Variants in CLINT1 observed in about 807,000 individuals in gnomAD.
CLINT1 encodes clathrin interactor 1.
CLINT1 carries 15 observed loss-of-function variants against 70.4 expected under a neutral mutation model. The ratio of observed to expected loss-of-function variants is 0.21; its 90% CI spans 0.14 to 0.33. The LOEUF is 0.33. CLINT1 is among the 10% of genes least tolerant of loss of function. CLINT1 has a pLI of 1.00. For synonymous variants in CLINT1, 227 were observed against 254.7 expected (o/e 0.89, Z 1.04); for missense variants, 615 against 778.1 (o/e 0.79, Z 2.49).
chr5:157,815,881 A>T (rs1287700133), intron 3 of CLINT1, among the ~76,000 whole-genome samples: 1 of 152,260 alleles, frequency 6.6e-6, no homozygotes, highest in Non-Finnish European at 1.5e-5. Flanking sequence ...TACAGAACAA[A>T]TAGAGTATTA....
At chr5:157,834,166 C>T (rs1763340209) in intron 1 of CLINT1, among the ~76,000 whole-genome samples, 1 of 151,998 alleles carries the variant, frequency 6.6e-6, no homozygotes, top group South Asian at 2.1e-4. Context: ...GAGTTCGAGA[C>T]CAGCCTGGGC....
At chr5:157,806,153 T>C in intron 6 of CLINT1, 41 bp from the exon 7 acceptor site, 1 of 1,596,480 alleles carries the variant, frequency 6.3e-7, no homozygotes, top group African/African-American at 1.3e-5. Flanking sequence ...TAAGACGGGA[T>C]TATTTTAAAA....
chr5:157,831,346 G>A (rs1763238528), intron 1 of CLINT1, among the ~76,000 whole-genome samples: 1 of 151,778 alleles, frequency 6.6e-6, no homozygotes, highest in African/African-American at 2.4e-5. Flanking sequence ...ATGCCACCCT[G>A]CCCAGCTAAT....
intron 10 of CLINT1, chr5:157,789,838 AG>A (rs1761848217): frequency 2.3e-6 from 1 of 430,786 alleles, no homozygotes. Flanking sequence ...GCAAATGCCC[AG>A]GGGAACTACC....
At chr5:157,805,811 G>C (rs1762367877) in intron 7 of CLINT1, 55 bp downstream of exon 7, 3 of 1,599,878 alleles carry the variant, frequency 1.9e-6, no homozygotes, top group Middle Eastern at 1.7e-4. Context: ...GGAATTCGAA[G>C]AGCGGTTTAT....
chr5:157,847,153 A>G, intron 1 of CLINT1, among the ~76,000 whole-genome samples: 1 of 152,182 alleles, frequency 6.6e-6, no homozygotes, highest in East Asian at 1.9e-4. Context: ...CCTCTGATGG[A>G]TCTGGGAAAA....
chr5:157,857,929 G>GT (rs1243931674), intron 1 of CLINT1, among the ~76,000 whole-genome samples: 2 of 152,178 alleles, frequency 1.3e-5, no homozygotes, highest in Non-Finnish European at 2.9e-5. Flanking sequence ...CAAATCAACT[G>GT]TTTTTCTCAC....
intron 6 of CLINT1, among the ~76,000 whole-genome samples, chr5:157,807,980 A>C (rs1313494555): frequency 6.6e-6 from 1 of 152,110 alleles, no homozygotes; most frequent in East Asian, 1.9e-4. Context: ...AGACTGTTTG[A>C]AAAACTGGAA....
At chr5:157,806,894 A>G (rs1762401162) in intron 6 of CLINT1, among the ~76,000 whole-genome samples, 1 of 152,040 alleles carries the variant, frequency 6.6e-6, no homozygotes, top group African/African-American at 2.4e-5. Context: ...TTCATATGCT[A>G]GGAATGAAAA....
chr5:157,809,879 T>C, intron 5 of CLINT1, 74 bp from the exon 6 acceptor site: 2 of 1,384,592 alleles, frequency 1.4e-6, no homozygotes, highest in Non-Finnish European at 2.0e-6. Context: ...TCCTTATTTC[T>C]CAGGCTTTTC....
At chr5:157,848,165 T>C (rs1014647188) in intron 1 of CLINT1, among the ~76,000 whole-genome samples, 66 of 151,470 alleles carry the variant, frequency 4.4e-4, no homozygotes, top group African/African-American at 1.5e-3. Context: ...AGTGGCACTA[T>C]CTTGGCTCAC....
At chr5:157,809,586 G>A in intron 6 of CLINT1, 42 bp downstream of exon 6, 1 of 1,507,920 alleles carries the variant, frequency 6.6e-7, no homozygotes, top group Non-Finnish European at 8.8e-7. Context: ...CATAAATTTA[G>A]GGCTCTTTCT....
intron 5 of CLINT1, among the ~76,000 whole-genome samples, chr5:157,811,497 C>T (rs550986275): frequency 6.8e-6 from 1 of 148,034 alleles, no homozygotes; most frequent in South Asian, 2.1e-4. Context: ...GGTAACACTG[C>T]ACTCCAGCCT....
intron 1 of CLINT1, among the ~76,000 whole-genome samples, chr5:157,828,920 C>A (rs1763125836): frequency 1.5e-5 from 2 of 129,406 alleles, no homozygotes; most frequent in Non-Finnish European, 3.1e-5. Context: ...GAAACTCTGT[C>A]TCTACTTAAA....
chr5:157,822,949 A>C (rs1762920119), intron 1 of CLINT1, among the ~76,000 whole-genome samples: 1 of 152,224 alleles, frequency 6.6e-6, no homozygotes, highest in Admixed American at 6.5e-5. Flanking sequence ...AACTGCTAAC[A>C]AAGGAATAAG....
At chr5:157,849,345 G>C (rs1303064577) in intron 1 of CLINT1, among the ~76,000 whole-genome samples, 1 of 152,148 alleles carries the variant, frequency 6.6e-6, no homozygotes, top group African/African-American at 2.4e-5. Flanking sequence ...TCAGATGGCT[G>C]TACTTTTTAG....
At chr5:157,810,187 C>CT (rs942305081) in intron 5 of CLINT1, among the ~76,000 whole-genome samples, 1 of 152,164 alleles carries the variant, frequency 6.6e-6, no homozygotes, top group African/African-American at 2.4e-5. Flanking sequence ...TATTTTATTC[C>CT]TGTCCCTTAA....
At chr5:157,836,034 T>C (rs1174323298) in intron 1 of CLINT1, among the ~76,000 whole-genome samples, 1 of 152,226 alleles carries the variant, frequency 6.6e-6, no homozygotes, top group Non-Finnish European at 1.5e-5. Flanking sequence ...TTCTGGCAGG[T>C]TGTTAATTGA....
chr5:157,810,989 T>TA (rs1347137947), intron 5 of CLINT1, among the ~76,000 whole-genome samples: 4 of 152,138 alleles, frequency 2.6e-5, no homozygotes, highest in African/African-American at 9.7e-5. Context: ...ACCATCAACT[T>TA]AAAGAAAACA....
Sources: gnomAD v4.1 joint callset for allele counts (sites outside exome capture counted in the v4.1 genomes callset) on GRCh38, gnomAD v4.1.1 for gene constraint, MANE v1.5 for transcripts, NCBI Gene and HGNC (gene_info 2026-07-23, HGNC 2026-07-21) for gene names.